The following SLC47A2 variants were observed in gnomAD, a reference collection of about 807,000 sequenced individuals.
SLC47A2 encodes multidrug and toxin extrusion protein 2.
A neutral mutation model predicts 67.7 loss-of-function variants in SLC47A2; 52 were observed. The ratio of observed to expected loss-of-function variants is 0.77; its 90% CI spans 0.61 to 0.97. The LOEUF (loss-of-function observed/expected upper bound fraction) is 0.97, where lower values mean the gene tolerates loss of function less well. Among genes scored for constraint, SLC47A2 ranks in the 50% least tolerant of loss-of-function variants. SLC47A2 has a pLI of 0.00. For missense variants in SLC47A2, 676 were observed against 712.3 expected (o/e 0.95, Z 0.58); for synonymous variants, 278 against 292.9 (o/e 0.95, Z 0.52).
At chr17:19,702,704 A>G (rs778904180) in intron 12 of SLC47A2, 30 bp from the exon 13 acceptor site, 1 of 1,611,510 alleles carries the variant, frequency 6.2e-7, no homozygotes, top group African/African-American at 1.3e-5. Context: ...GCATTAAGAC[A>G]CAGATGTATC....
At position 19,700,999 on chromosome 17, in the gene SLC47A2, C is replaced by T. The variant is rs560860136; in HGVS notation, c.1164+1606G>A. Among the ~76,000 whole-genome samples, 120 of 150,240 alleles carry T rather than the reference C, an allele frequency of 8.0e-4. 1 individual carries two copies. In the South Asian group the frequency reaches 0.015, roughly 19 times the overall value. On this transcript the variant is annotated intron_variant, in intron 13 of 16. Transcript: ENST00000433844. ...CCTGGCCAACATGGTGAAACCCTGT[C>T]TCTACTAAAAATACAAAAATTAGCC... is the stretch of plus-strand genomic sequence containing the variant.
chr17:19,689,474 G>C (rs1198622021), intron 13 of SLC47A2, among the ~76,000 whole-genome samples: 8 of 152,066 alleles, frequency 5.3e-5, no homozygotes, highest in Non-Finnish European at 1.2e-4. Flanking sequence ...AGGTGAGTGG[G>C]TCTCTTGAGA....
At chr17:19,714,984 A>G in intron 2 of SLC47A2, 132 bp downstream of exon 2, 6 of 1,264,782 alleles carry the variant, frequency 4.7e-6, no homozygotes, top group Non-Finnish European at 6.8e-6. Flanking sequence ...TCCACCTGTG[A>G]AGGCAGCTGT....
intron 4 of SLC47A2, 149 bp from the exon 5 acceptor site, chr17:19,712,894 TTC>T: frequency 1.4e-6 from 1 of 707,568 alleles, no homozygotes; most frequent in Non-Finnish European, 2.4e-6. Context: ...GGGCTGCTGC[TTC>T]CAGATGGTAA....
At chr17:19,703,951 G>T in intron 11 of SLC47A2, 119 bp downstream of exon 11, 1 of 701,076 alleles carries the variant, frequency 1.4e-6, no homozygotes, top group Non-Finnish European at 2.2e-6. Context: ...AGCAGGCTTG[G>T]AAGATAAACC....
chr17:19,708,457 C>G, intron 6 of SLC47A2, 58 bp from the exon 7 acceptor site: 1 of 1,614,168 alleles, frequency 6.2e-7, no homozygotes, highest in Admixed American at 1.7e-5. Context: ...GGAGGATGGA[C>G]AAACCCGGGG....
chr17:19,681,416 G>A lies in SLC47A2; in HGVS notation c.1343C>T (p.Ala448Val). ...CAGCCGGGCAGTATAAGCAACAAAG[G>A]CAGCAGTTGCCAGGAAGACACAGGC... ...MLACVFLATA[A>V]FVAYTARLDW... The change falls in exon 15 of 17, where the codon GCC becomes GTC. Residue 448 changes from alanine (A) to valine (V), a missense_variant. Coordinates refer to ENST00000433844, the MANE Select transcript of SLC47A2 (RefSeq NM_001099646.3). The A allele has an allele frequency of 6.2e-7, 1 of 1,613,484 alleles. No individual in the cohort carries two copies.
intron 13 of SLC47A2, among the ~76,000 whole-genome samples, chr17:19,683,576 T>A (rs1041447091): frequency 6.6e-6 from 1 of 152,194 alleles, no homozygotes; most frequent in African/African-American, 2.4e-5. Context: ...TATCCCAAGC[T>A]GACCAGAGGC....
At chr17:19,716,282 C>T in intron 1 of SLC47A2, 151 bp downstream of exon 1, 1 of 1,256,310 alleles carries the variant, frequency 8.0e-7, no homozygotes, top group Non-Finnish European at 1.1e-6. Context: ...CAGGAGCCAT[C>T]CTGCTGTCCC....
At chr17:19,690,413 T>C (rs2085514807) in intron 13 of SLC47A2, among the ~76,000 whole-genome samples, 1 of 151,858 alleles carries the variant, frequency 6.6e-6, no homozygotes. Flanking sequence ...AAGGCAAAAA[T>C]GGATAAATGA....
In SLC47A2 at chr17:19,715,130, T is replaced by A; in HGVS notation, c.211A>T (p.Thr71Ser). ...HLGKVELASV[T>S]LAVAFVNVCG... ...TGGGTACTCACGGCCACCGCGAGGG[T>A]CACCGATGCCAGCTCCACCTTGCCC... The change falls in exon 2 of 17, where the codon ACC becomes TCC. Residue 71 changes from threonine to serine, a missense_variant. By Grantham distance (58) the Thr-to-Ser change is moderately conservative (BLOSUM62 1). Transcript: ENST00000433844. The A allele has an allele frequency of 6.2e-7, 1 of 1,612,180 alleles. No individual in the cohort carries two copies. Among genetic ancestry groups the A allele is most frequent in the Non-Finnish European group, 8.5e-7 (1 of 1,179,964 alleles).
intron 15 of SLC47A2, among the ~76,000 whole-genome samples, chr17:19,680,747 C>T (rs1398858484): frequency 6.6e-6 from 1 of 152,074 alleles, no homozygotes; most frequent in Non-Finnish European, 1.5e-5. Context: ...GGCACACGCT[C>T]GGGGGTTCAT....
rs2085406110 is a variant in SLC47A2 at position 19,685,425 on chromosome 17, T to A, written c.1165-3755A>T. 6.6e-6 allele frequency among the ~76,000 whole-genome samples: 1 copy of A among 151,888 alleles called. No homozygotes were observed. Among genetic ancestry groups the A allele is most frequent in the Non-Finnish European group, 1.5e-5 (1 of 67,970 alleles). Reference sequence around the variant, plus strand: ...AGCGTCTCTGCCTGGCCGCCCATCATCTGGGATGTGAGGAGCCCCTCTGCC... The same window carrying A: ...AGCGTCTCTGCCTGGCCGCCCATCAACTGGGATGTGAGGAGCCCCTCTGCC... On this transcript the variant is annotated intron_variant, in intron 13 of 16. Coordinates refer to ENST00000433844, the MANE Select transcript of SLC47A2 (RefSeq NM_001099646.3). The surrounding 1 kb of genome is among the most constrained non-coding windows in gnomAD (Gnocchi z 4.5).
At chr17:19,706,035 T>G (rs575305722) in intron 9 of SLC47A2, among the ~76,000 whole-genome samples, 1 of 152,116 alleles carries the variant, frequency 6.6e-6, no homozygotes, top group Non-Finnish European at 1.5e-5. Context: ...CCAGATGAAC[T>G]CAGGGTGGCA....
chr17:19,708,794 T>C (rs1400798664), intron 5 of SLC47A2, 34 bp from the exon 6 acceptor site: 1 of 1,612,616 alleles, frequency 6.2e-7, no homozygotes, highest in Non-Finnish European at 8.5e-7. Context: ...AAATCAACAA[T>C]AATGACCAAA....
At chr17:19,705,415 G>T (rs372505328) in intron 10 of SLC47A2, 21 bp downstream of exon 10, 132 of 1,603,374 alleles carry the variant, frequency 8.2e-5, no homozygotes, top group Non-Finnish European at 9.8e-5. Flanking sequence ...TGTGGGGAAG[G>T]CACCCCTGCA....
At position 19,704,109 on chromosome 17, in the gene SLC47A2, G is replaced by A; in HGVS notation, c.979C>T (p.Gln327Ter). The A allele has an allele frequency of 1.2e-6, 2 of 1,611,852 alleles. No homozygotes were observed. The highest frequency in any genetic ancestry group is 2.2e-5 in the East Asian group (1 of 44,832). Residue 327 changes from glutamine to a stop codon, truncating the protein, a stop_gained, in exon 11 of 17, where the codon CAG becomes TAG. Coordinates refer to ENST00000433844, the MANE Select transcript of SLC47A2 (RefSeq NM_001099646.3). LOFTEE classifies it high-confidence loss of function. ...CCCGAGACGGCCGAGCGCTTGGCCT[G>A]CACAGTATCCGCAGCCCCCAGAGCC... ...GMALGAADTV[Q>*]AKRSAVSGVL...
intron 13 of SLC47A2, among the ~76,000 whole-genome samples, chr17:19,691,072 G>A (rs894280122): frequency 2.0e-5 from 3 of 151,688 alleles, no homozygotes; most frequent in African/African-American, 4.9e-5. Context: ...GCAGTGAGCC[G>A]AGATTGCGCT....
At chr17:19,681,057 C>T (rs188674037) in intron 15 of SLC47A2, among the ~76,000 whole-genome samples, 3 of 151,848 alleles carry the variant, frequency 2.0e-5, no homozygotes, top group South Asian at 4.1e-4. Context: ...ACTAAAAATA[C>T]AAAAAATTAG....
Sources: allele counts gnomAD v4.1 joint callset (sites outside exome capture counted in the v4.1 genomes callset), GRCh38; gene constraint gnomAD v4.1.1; non-coding constraint Gnocchi (gnomAD v3.1); transcripts MANE v1.5; gene names NCBI Gene and HGNC (gene_info 2026-07-23, HGNC 2026-07-21).